PPP2R2B: variants seen among roughly 807,000 people sequenced by gnomAD.
PPP2R2B encodes serine/threonine-protein phosphatase 2A 55 kDa regulatory subunit B beta isoform.
A neutral mutation model predicts 46.0 loss-of-function variants in PPP2R2B; 5 were observed. That is an observed-to-expected ratio of 0.11 (90% CI 0.06 to 0.23). The LOEUF is 0.23. Among genes scored for constraint, PPP2R2B ranks in the 10% least tolerant of loss-of-function variants. The pLI is 1.00. For synonymous variants in PPP2R2B, 215 were observed against 206.7 expected (o/e 1.04, Z -0.34); for missense variants, 367 against 575.0 (o/e 0.64, Z 3.70).
chr5:146,643,171 TAC>T (rs1183443823), intron 6 of PPP2R2B, among the ~76,000 whole-genome samples: 12 of 150,526 alleles, frequency 8.0e-5, no homozygotes, highest in Admixed American at 6.6e-4. Context: ...TAAAAGATAT[TAC>T]ACACACACAC....
At chr5:146,925,604 G>A (rs1043527800) in intron 1 of PPP2R2B, among the ~76,000 whole-genome samples, 4 of 152,170 alleles carry the variant, frequency 2.6e-5, no homozygotes, top group African/African-American at 9.7e-5. Context: ...TGACAATGAT[G>A]TGTTCAAGTG....
intron 2 of PPP2R2B, among the ~76,000 whole-genome samples, chr5:146,823,481 G>A (rs1174658837): frequency 1.3e-5 from 2 of 152,040 alleles, no homozygotes; most frequent in East Asian, 3.9e-4. Flanking sequence ...ACAGGCGTGA[G>A]CCACTGCACC....
chr5:147,073,800 G>A (rs963770483), intron 2 of PPP2R2B, among the ~76,000 whole-genome samples: 1 of 152,194 alleles, frequency 6.6e-6, no homozygotes, highest in South Asian at 2.1e-4. Flanking sequence ...CACTTTGGGA[G>A]GCCGAGGCAG....
Position 147,043,391 on chromosome 5 carries a change from A to G in PPP2R2B, c.79+12274T>C, listed in dbSNP as rs1157705200. On this transcript the variant is annotated intron_variant, in intron 1 of 8. Transcript: ENST00000336640. ...GCAGGACTGGTGGTGTTTTTGCAAG[A>G]AGAGAAACGCAGAGAAAAGACCACG... is the stretch of plus-strand genomic sequence containing the variant. Among the ~76,000 whole-genome samples the G allele has an allele frequency of 3.9e-5, 6 of 152,164 alleles. No individual in the cohort carries two copies. In the East Asian group the frequency reaches 9.7e-4, roughly 25 times the overall value.
intron 6 of PPP2R2B, among the ~76,000 whole-genome samples, chr5:146,644,406 GA>G (rs1417963011): frequency 1.3e-5 from 2 of 152,040 alleles, no homozygotes; most frequent in African/African-American, 2.4e-5. Flanking sequence ...CCAATGTATA[GA>G]CAGCAAAATT....
chr5:146,788,722 G>T (rs374798202), intron 2 of PPP2R2B, among the ~76,000 whole-genome samples: 5 of 152,132 alleles, frequency 3.3e-5, no homozygotes. Flanking sequence ...GACAGAGAAA[G>T]GCTCTATCTC....
At chr5:147,007,911 C>T (rs559371719) in intron 1 of PPP2R2B, among the ~76,000 whole-genome samples, 2 of 152,164 alleles carry the variant, frequency 1.3e-5, no homozygotes, top group Non-Finnish European at 2.9e-5. Context: ...CGGCTTCATT[C>T]TTGAAGTCAG....
intron 5 of PPP2R2B, among the ~76,000 whole-genome samples, chr5:146,687,782 G>C (rs1042754519): frequency 1.3e-5 from 2 of 152,146 alleles, no homozygotes; most frequent in African/African-American, 2.4e-5. Context: ...TTGAAAAGCT[G>C]AGTCTCTCAG....
chr5:146,787,713 G>A (rs544718933), intron 2 of PPP2R2B, among the ~76,000 whole-genome samples: 12 of 152,004 alleles, frequency 7.9e-5, no homozygotes, highest in African/African-American at 2.4e-4. Context: ...GACTACAGGC[G>A]CACACCACTA....
At chr5:146,853,343 A>T (rs1289824801) in intron 2 of PPP2R2B, among the ~76,000 whole-genome samples, 1 of 152,168 alleles carries the variant, frequency 6.6e-6, no homozygotes, top group Non-Finnish European at 1.5e-5. Context: ...CATGTAGTTT[A>T]AAAAGTCCTT....
chr5:147,071,360 G>C (rs574638925), intron 2 of PPP2R2B, among the ~76,000 whole-genome samples: 1 of 152,284 alleles, frequency 6.6e-6, no homozygotes, highest in African/African-American at 2.4e-5. Context: ...TCCCTTAATT[G>C]AGCTGCTGCT....
At chr5:147,012,705 T>C (rs1754800745) in intron 1 of PPP2R2B, among the ~76,000 whole-genome samples, 1 of 151,778 alleles carries the variant, frequency 6.6e-6, no homozygotes, top group South Asian at 2.1e-4. Flanking sequence ...CTGCTTTCTC[T>C]TGTGGGCATT....
chr5:146,864,396 CAAAAAAAAA>C (rs34780019), intron 2 of PPP2R2B, among the ~76,000 whole-genome samples: 6 of 31,320 alleles, frequency 1.9e-4, no homozygotes, highest in Admixed American at 7.1e-4. Context: ...TAGTATTAAC[CAAAAAAAAA>C]AAAAAAAAAA....
chr5:146,880,179 TTGTGTGTGTG>T (rs57151657), upstream of PPP2R2B, among the ~76,000 whole-genome samples: 223 of 138,248 alleles, frequency 1.6e-3, 1 homozygote, highest in East Asian at 0.019. Context: ...CATAGTTATT[TTGTGTGTGTG>T]TGTGTGTGTG....
chr5:146,882,218 A>G (rs377499836), upstream of PPP2R2B, among the ~76,000 whole-genome samples: 10 of 151,886 alleles, frequency 6.6e-5, 1 homozygote, highest in East Asian at 1.4e-3. Flanking sequence ...CAGAGGTTGC[A>G]TCGCACCACT....
At chr5:146,839,501 T>C (rs10045025) in intron 2 of PPP2R2B, among the ~76,000 whole-genome samples, 25,158 of 152,162 alleles carry the variant, frequency 0.17, 2,560 homozygotes, top group East Asian at 0.43. Flanking sequence ...GCCTGGGTGA[T>C]GAGCGAAATC....
At chr5:147,009,263 G>A (rs1754600121) in intron 1 of PPP2R2B, among the ~76,000 whole-genome samples, 1 of 152,026 alleles carries the variant, frequency 6.6e-6, no homozygotes, top group South Asian at 2.1e-4. Context: ...AGAATGTTTT[G>A]ATGTGCATTT....
chr5:146,670,447 C>T (rs956776351), intron 5 of PPP2R2B, among the ~76,000 whole-genome samples: 11 of 146,258 alleles, frequency 7.5e-5, no homozygotes, highest in African/African-American at 2.8e-4. Flanking sequence ...AGTACCCCTT[C>T]AGATTTTCTT....
chr5:146,891,545 A>G (rs1393557304), intron 1 of PPP2R2B, among the ~76,000 whole-genome samples: 2 of 152,164 alleles, frequency 1.3e-5, no homozygotes, highest in African/African-American at 4.8e-5. Context: ...AGGAGTATGA[A>G]ACTCATGTCA....
Sources: gnomAD v4.1 joint callset for allele counts (sites outside exome capture counted in the v4.1 genomes callset) on GRCh38, gnomAD v4.1.1 for gene constraint, MANE v1.5 for transcripts, NCBI Gene and HGNC (gene_info 2026-07-23, HGNC 2026-07-21) for gene names.